The following MAS1 variants were observed in gnomAD, a reference collection of about 807,000 sequenced individuals.
The protein encoded by MAS1 is proto-oncogene Mas.
For synonymous variants in MAS1, 163 were observed against 164.2 expected, an observed-to-expected ratio of 0.99 and a Z score of 0.05; for missense variants, 387 against 409.7, an observed-to-expected ratio of 0.94 and a Z score of 0.48.
At chr6:159,901,676 C>T (rs544308608) in intron 2 of MAS1, among the ~76,000 whole-genome samples, 4 of 151,720 alleles carry the variant, frequency 2.6e-5, no homozygotes, top group Non-Finnish European at 5.9e-5. Flanking sequence ...ATAGCAAGAT[C>T]CCATCTCTAC....
chr6:159,916,478 T>C lies in MAS1; in HGVS notation c.*8545T>C, dbSNP rs1360837914. ...ACTGTATTCTTAAAAATGTTTCAGA[T>C]GGTAAATTTTATGTTATGTATATTT... On this transcript the variant is annotated 3_prime_UTR_variant, in exon 3 of 3. Coordinates refer to ENST00000674077, the MANE Select transcript of MAS1 (RefSeq NM_002377.4). 1 of 152,220 alleles carries C rather than the reference T, an allele frequency of 6.6e-6. No individual in the cohort carries two copies. Among genetic ancestry groups the C allele is most frequent in the African/African-American group, 2.4e-5 (1 of 41,452 alleles). 9.4% of individuals were successfully genotyped at this position (152,220 alleles called of 1,614,324 possible). A position where few individuals can be genotyped will look rare whatever the true frequency, so the allele number is the denominator to read the frequency against.
chr6:159,900,180 A>G (rs962540347), intron 2 of MAS1, among the ~76,000 whole-genome samples: 5 of 152,202 alleles, frequency 3.3e-5, no homozygotes, highest in Non-Finnish European at 7.3e-5. Flanking sequence ...CCTCGTCTGC[A>G]TGGCTTTCTG....
intron 1 of MAS1, among the ~76,000 whole-genome samples, chr6:159,895,942 T>C (rs1261021027): frequency 6.6e-6 from 1 of 152,242 alleles, no homozygotes; most frequent in East Asian, 1.9e-4. Context: ...TTCATTACGG[T>C]GCTTTGTTTT....
intron 2 of MAS1, among the ~76,000 whole-genome samples, chr6:159,900,898 T>C (rs913429486): frequency 1.3e-5 from 2 of 152,236 alleles, no homozygotes; most frequent in Admixed American, 1.3e-4. Flanking sequence ...AGGAGTTTGC[T>C]GTTTAGTGGG....
In MAS1 at chr6:159,917,312, A is replaced by G. The variant is rs1452269123; in HGVS notation, c.*9379A>G. ...ACGAGAGATTTTCTGTAGTAAGTAC[A>G]TTGCCTGTAAATAGAATTCCAATTC... is the stretch of plus-strand genomic sequence containing the variant. On this transcript the variant is annotated 3_prime_UTR_variant, in exon 3 of 3. Transcript: ENST00000674077. 1.3e-5 allele frequency among the ~76,000 whole-genome samples: 2 copies of G among 152,256 alleles called. No individual in the cohort carries two copies. The highest frequency in any genetic ancestry group is 6.5e-5 in the Admixed American group (1 of 15,288).
chr6:159,902,012 G>A (rs1206254258), intron 2 of MAS1: 1 of 152,172 alleles, frequency 6.6e-6, no homozygotes, highest in East Asian at 1.9e-4. Flanking sequence ...CAGGCCGCTT[G>A]GGAGAATGGG....
intron 1 of MAS1, among the ~76,000 whole-genome samples, chr6:159,898,037 A>G (rs550259403): frequency 1.3e-5 from 2 of 151,860 alleles, no homozygotes; most frequent in Non-Finnish European, 2.9e-5. Context: ...GATTACAAGT[A>G]CATGCCACCA....
chr6:159,904,100 T>G (rs1583213785), intron 2 of MAS1, among the ~76,000 whole-genome samples: 1 of 152,178 alleles, frequency 6.6e-6, no homozygotes, highest in African/African-American at 2.4e-5. Context: ...CCAGTTGTCC[T>G]CCTGCCTCTC....
intron 1 of MAS1, among the ~76,000 whole-genome samples, chr6:159,898,676 C>CCTCT (rs1782789040): frequency 1.8e-4 from 2 of 10,940 alleles, no homozygotes; most frequent in African/African-American, 2.9e-4. Context: ...CTTCCTCTTC[C>CCTCT]TCCTCCTCCC....
rs571068613 is a variant in MAS1, at chr6:159,891,210, A to G, written c.-244+77A>G. On this transcript the variant is annotated intron_variant, in intron 1 of 2. Transcript: ENST00000674077. The stretch of plus-strand genomic sequence containing the variant: ...TAAGATTTTCTCTCTTTAAAAAGCT[A>G]TTTCTTGGATAACTCTTTTCTGTGC... Among the ~76,000 whole-genome samples, 3 of 152,150 alleles carry G rather than the reference A, an allele frequency of 2.0e-5. No individual in the cohort carries two copies. The South Asian group carries it at 6.2e-4, about 32-fold the overall frequency.
chr6:159,907,405 A>C lies in MAS1; in HGVS notation c.450A>C (p.Ala150=). ...GCCATCGCCCCAAGTACCAGTCGGCATTGGTCTGTGCCCTTCTGTGGGCTC... is the reference window on the plus strand; with the variant it reads ...GCCATCGCCCCAAGTACCAGTCGGCCTTGGTCTGTGCCCTTCTGTGGGCTC... ...YRCHRPKYQS[A]LVCALLWALS... is the part of the protein sequence containing the mutation. The change falls in exon 3 of 3, where the codon GCA becomes GCC. Residue 150 remains alanine, a synonymous_variant. Transcript: ENST00000674077. The C allele has an allele frequency of 6.2e-7, 1 of 1,614,010 alleles. No homozygotes were observed. The highest frequency in any genetic ancestry group is 1.3e-5 in the African/African-American group (1 of 74,992).
In MAS1 at chr6:159,913,836, A is replaced by C. The variant is rs1374511325; in HGVS notation, c.*5903A>C. The C allele has an allele frequency of 6.6e-6, 1 of 152,234 alleles. No homozygotes were observed. The highest frequency in any genetic ancestry group is 1.5e-5 in the Non-Finnish European group (1 of 68,048). The allele number at this position is 152,234 out of a possible 1,614,324, so 9.4% of individuals were successfully genotyped here. A position where few individuals can be genotyped will look rare whatever the true frequency, so the allele number is the denominator to read the frequency against. The stretch of plus-strand genomic sequence containing the variant: ...TCACTTTTTTCATGATTTTCTATGA[A>C]ATTTTGGTCCTCATTTTAACAAGAT... On this transcript the variant is annotated 3_prime_UTR_variant, in exon 3 of 3. Transcript: ENST00000674077.
chr6:159,895,378 A>C (rs1782744347), intron 1 of MAS1, among the ~76,000 whole-genome samples: 1 of 152,256 alleles, frequency 6.6e-6, no homozygotes, highest in Non-Finnish European at 1.5e-5. Context: ...AATGATCAGC[A>C]CAGGATGGTC....
At chr6:159,903,400 G>A (rs1227907827) in intron 2 of MAS1, among the ~76,000 whole-genome samples, 3 of 152,160 alleles carry the variant, frequency 2.0e-5, no homozygotes, top group East Asian at 3.9e-4. Flanking sequence ...AGAAGCACAG[G>A]TGAGGCTGAG....
chr6:159,907,481 G>A lies in MAS1; in HGVS notation c.526G>A (p.Glu176Lys). 1.2e-6 allele frequency: 2 copies of A among 1,614,038 alleles called. No individual in the cohort carries two copies. The highest frequency in any genetic ancestry group is 1.7e-6 in the Non-Finnish European group (2 of 1,180,036). Residue 176 changes from glutamate (E) to lysine (K), a missense_variant, in exon 3 of 3, where the codon GAA becomes AAA. Coordinates refer to ENST00000674077, the MANE Select transcript of MAS1 (RefSeq NM_002377.4). Reference protein sequence around the residue: ...MEYVMCIDREEESHSRNDCRA... With the variant: ...MEYVMCIDREKESHSRNDCRA... ...GTATGTCATGTGCATCGACAGAGAAGAAGAGAGTCACTCTCGGAATGACTG... is the reference window on the plus strand; with the variant it reads ...GTATGTCATGTGCATCGACAGAGAAAAAGAGAGTCACTCTCGGAATGACTG...
At chr6:159,894,612 T>C (rs868223542) in intron 1 of MAS1, among the ~76,000 whole-genome samples, 3 of 152,066 alleles carry the variant, frequency 2.0e-5, no homozygotes, top group African/African-American at 4.8e-5. Context: ...TGGGGTTCCA[T>C]AGCAACATTC....
At position 159,914,279 on chromosome 6, in the gene MAS1, C is replaced by T. The variant is rs1300959753; in HGVS notation, c.*6346C>T. The T allele has an allele frequency of 1.3e-5, 2 of 152,046 alleles. No individual in the cohort carries two copies. Among genetic ancestry groups the T allele is most frequent in the African/African-American group, 2.4e-5 (1 of 41,394 alleles). The allele number at this position is 152,046 out of a possible 1,614,324, so 9.4% of individuals were successfully genotyped here. On this transcript the variant is annotated 3_prime_UTR_variant, in exon 3 of 3. Transcript: ENST00000674077. ...TCTCTTTTGATGTTGTCGTTTTCCC[C>T]TGAGTTTTCACAGTCCTTGCACTTC...
upstream of MAS1, among the ~76,000 whole-genome samples, chr6:159,889,091 C>T (rs368516569): frequency 5.9e-5 from 9 of 152,294 alleles, no homozygotes; most frequent in South Asian, 2.1e-4. Context: ...CTGACTCTCC[C>T]GGCCGGCCAC....
intron 1 of MAS1, among the ~76,000 whole-genome samples, chr6:159,893,313 A>T (rs1016114995): frequency 1.4e-4 from 22 of 152,264 alleles, no homozygotes; most frequent in Admixed American, 4.6e-4. Context: ...GCAGGGCAGG[A>T]TATCTGCATG....
Sources: allele counts gnomAD v4.1 joint callset (sites outside exome capture counted in the v4.1 genomes callset), GRCh38; gene constraint gnomAD v4.1.1; transcripts MANE v1.5; gene names NCBI Gene and HGNC (gene_info 2026-07-23, HGNC 2026-07-21).